Variants in EFL1 observed in about 807,000 individuals in gnomAD.
EFL1 encodes elongation factor-like GTPase 1.
EFL1 carries 76 observed loss-of-function variants against 126.7 expected under a neutral mutation model. That is an observed-to-expected ratio of 0.60 (90% confidence interval 0.50 to 0.73). EFL1 has a LOEUF of 0.73. EFL1 is among the 30% of genes least tolerant of loss of function. The pLI is 0.00. For synonymous variants in EFL1, 410 were observed against 448.4 expected, an observed-to-expected ratio of 0.91 and a Z score of 1.08; for missense variants, 1,128 against 1,343.2, an observed-to-expected ratio of 0.84 and a Z score of 2.50.
chr15:82,238,397 C>T lies in EFL1; in HGVS notation c.641G>A (p.Gly214Asp). 1 of 1,614,202 alleles carries T rather than the reference C, an allele frequency of 6.2e-7. No individual in the cohort carries two copies. Among genetic ancestry groups the T allele is most frequent in the Non-Finnish European group, 8.5e-7 (1 of 1,180,044 alleles). The change falls in exon 7 of 20, where the codon GGC becomes GAC. Residue 214 changes from glycine (G) to aspartate (D), a missense_variant. Coordinates refer to ENST00000268206, the MANE Select transcript of EFL1 (RefSeq NM_024580.6). ...QGEQVYDWST[G>D]LEDTDDSHLY... is the part of the protein sequence containing the mutation. ...GTGAGAATCATCTGTGTCCTCCAAG[C>T]CAGTGCTCCAGTCATATACTTGCTC...
intron 9 of EFL1, among the ~76,000 whole-genome samples, 161 bp downstream of exon 9, chr15:82,228,873 C>T (rs1293574017): frequency 6.6e-6 from 1 of 152,178 alleles, no homozygotes; most frequent in Non-Finnish European, 1.5e-5. Flanking sequence ...GTTACATAGG[C>T]TTCTTTAAAT....
chr15:82,173,984 T>C (rs1388499397), intron 15 of EFL1, among the ~76,000 whole-genome samples: 1 of 152,078 alleles, frequency 6.6e-6, no homozygotes, highest in Non-Finnish European at 1.5e-5. Context: ...GGTCAGGAGA[T>C]GGAGACCATC....
rs1462061039 is a variant in EFL1, at chr15:82,166,151, C to A, written c.1751-2167G>T. Among the ~76,000 whole-genome samples the A allele has an allele frequency of 2.6e-5, 4 of 152,316 alleles. No homozygotes were observed. The East Asian group carries it at 7.7e-4, about 29-fold the overall frequency. ...CATCCTGCTTCTGACCTCTGACCAG[C>A]ATGCATTTCCTTCCTACACACACAG... On this transcript the variant is annotated intron_variant, in intron 15 of 19. Coordinates refer to ENST00000268206, the MANE Select transcript of EFL1 (RefSeq NM_024580.6).
chr15:82,235,725 C>T (rs2074866194), intron 7 of EFL1, among the ~76,000 whole-genome samples: 1 of 152,044 alleles, frequency 6.6e-6, no homozygotes, highest in Admixed American at 6.5e-5. Flanking sequence ...TAAAAACAGC[C>T]TGCAGTCCTA....
At chr15:82,229,193 A>T (rs1049201311) in intron 8 of EFL1, 83 bp from the exon 9 acceptor site, 1 of 1,038,092 alleles carries the variant, frequency 9.6e-7, no homozygotes, top group Admixed American at 2.8e-5. Flanking sequence ...TTTTATTATC[A>T]ATATGTTTCA....
chr15:82,142,186 A>G (rs2141217397), intron 18 of EFL1, among the ~76,000 whole-genome samples: 1 of 152,298 alleles, frequency 6.6e-6, no homozygotes, highest in Middle Eastern at 3.4e-3. Context: ...CATCATGATC[A>G]CTTGTTTGTT....
At chr15:82,171,880 T>TACAC (rs572831597) in intron 15 of EFL1, among the ~76,000 whole-genome samples, 20 of 150,122 alleles carry the variant, frequency 1.3e-4, no homozygotes, top group Admixed American at 3.3e-4. Flanking sequence ...AATTTATATA[T>TACAC]ACACACACAC....
intron 15 of EFL1, among the ~76,000 whole-genome samples, chr15:82,211,507 C>T (rs1391161982): frequency 2.0e-5 from 3 of 146,832 alleles, no homozygotes; most frequent in Non-Finnish European, 4.5e-5. Context: ...GCCAGGGTGA[C>T]AGAGTGAGAC....
At chr15:82,220,739 G>A (rs949474761) in intron 12 of EFL1, among the ~76,000 whole-genome samples, 4 of 151,590 alleles carry the variant, frequency 2.6e-5, no homozygotes, top group South Asian at 2.1e-4. Flanking sequence ...AAGGCAGTGT[G>A]TGGGTGTGTA....
chr15:82,154,434 A>AAGGT (rs959003167), intron 17 of EFL1, among the ~76,000 whole-genome samples: 1 of 152,178 alleles, frequency 6.6e-6, no homozygotes. Flanking sequence ...ATACTACCAA[A>AAGGT]AGGTAGGCTC....
At chr15:82,175,599 C>A (rs891303788) in intron 15 of EFL1, among the ~76,000 whole-genome samples, 3 of 152,028 alleles carry the variant, frequency 2.0e-5, no homozygotes, top group Non-Finnish European at 4.4e-5. Flanking sequence ...CAGTATTGGC[C>A]GGGTGCAGTG....
intron 18 of EFL1, 111 bp from the exon 19 acceptor site, chr15:82,138,953 C>A: frequency 9.8e-7 from 1 of 1,019,292 alleles, no homozygotes; most frequent in Non-Finnish European, 1.4e-6. Flanking sequence ...TAAATTTGTT[C>A]TCAATAATGT....
Position 82,152,329 on chromosome 15 carries a change from T to C in EFL1, c.2125A>G (p.Ile709Val). ...ACTGCAACTTTTTGCTGTTTGCCTA[T>C]TTCTTCATTGACCATGTCAACTTTT... ...PPKVDMVNEE[I>V]GKQQKVAVIH... Residue 709 changes from isoleucine (I) to valine (V), a missense_variant, in exon 18 of 20, where the codon ATA becomes GTA. Around this residue, in one of 6 missense-constraint regions of EFL1, gnomAD observed 561 missense variants for 641.7 expected, o/e 0.87. Coordinates refer to ENST00000268206, the MANE Select transcript of EFL1 (RefSeq NM_024580.6). 3.7e-6 allele frequency: 6 copies of C among 1,614,096 alleles called. No individual in the cohort carries two copies. The highest frequency in any genetic ancestry group is 4.2e-6 in the Non-Finnish European group (5 of 1,180,048).
At chr15:82,167,839 C>A (rs116532944) in intron 15 of EFL1, among the ~76,000 whole-genome samples, 7 of 152,130 alleles carry the variant, frequency 4.6e-5, no homozygotes, top group African/African-American at 1.7e-4. Context: ...TGGGAAAAAA[C>A]GTTAGAATAT....
intron 7 of EFL1, among the ~76,000 whole-genome samples, chr15:82,237,757 A>G (rs1214305263): frequency 6.6e-6 from 1 of 151,922 alleles, no homozygotes. Context: ...AAAAAAAAAA[A>G]AAACACCAGA....
At chr15:82,162,579 G>A (rs1331733839) in intron 16 of EFL1, among the ~76,000 whole-genome samples, 2 of 152,182 alleles carry the variant, frequency 1.3e-5, no homozygotes, top group Non-Finnish European at 2.9e-5. Flanking sequence ...GAGGAAGCAT[G>A]TTTTACACAG....
chr15:82,204,745 A>G (rs1336033538), intron 15 of EFL1, among the ~76,000 whole-genome samples: 2 of 152,036 alleles, frequency 1.3e-5, no homozygotes, highest in Admixed American at 6.6e-5. Context: ...TCCTTCCTAT[A>G]TCTGACATTT....
At chr15:82,147,958 C>A (rs2073866378) in intron 18 of EFL1, among the ~76,000 whole-genome samples, 1 of 152,170 alleles carries the variant, frequency 6.6e-6, no homozygotes, top group Non-Finnish European at 1.5e-5. Context: ...AAAGACAGTG[C>A]AAAGAGCTTT....
intron 3 of EFL1, among the ~76,000 whole-genome samples, chr15:82,253,759 A>G (rs532672205): frequency 2.6e-5 from 4 of 152,294 alleles, no homozygotes; most frequent in South Asian, 2.1e-4. Flanking sequence ...GATGACTTTC[A>G]TAACACTGTA....
Sources: allele counts gnomAD v4.1 joint callset (sites outside exome capture counted in the v4.1 genomes callset), GRCh38; gene constraint gnomAD v4.1.1; regional missense constraint gnomAD v4.1.1; transcripts MANE v1.5; gene names NCBI Gene and HGNC (gene_info 2026-07-23, HGNC 2026-07-21).